The following CABIN1 variants were observed in gnomAD, a reference collection of about 807,000 sequenced individuals.
CABIN1 encodes the protein calcineurin binding protein 1, also known as calcineurin-binding protein cabin-1.
Under a neutral mutation model 227.7 loss-of-function variants are expected in CABIN1, and 133 were observed. That is an observed-to-expected ratio of 0.58 (90% CI 0.51 to 0.67). The LOEUF (loss-of-function observed/expected upper bound fraction) is 0.67. Among genes scored for constraint, CABIN1 ranks in the 30% least tolerant of loss-of-function variants. The pLI is 0.00. For synonymous variants in CABIN1, 1,086 were observed against 1,155.1 expected, an observed-to-expected ratio of 0.94 and a Z score of 1.21; for missense variants, 2,408 against 2,852.5, an observed-to-expected ratio of 0.84 and a Z score of 3.55.
chr22:24,063,920 T>TA lies in CABIN1; in HGVS notation c.1885-109dup, dbSNP rs923214425. On this transcript the variant is annotated intron_variant, in intron 14 of 36. Transcript: ENST00000263119. ...TCTTAGGGGGGTACAGTGTAATTGG[T>TA]AAAAAACCCACCCTCATGGCCTCCA... The TA allele has an allele frequency of 2.2e-5, 29 of 1,348,390 alleles. No homozygotes were observed. In the Middle Eastern group the frequency reaches 7.6e-4, roughly 35 times the overall value. 83.5% of individuals were successfully genotyped at this position (1,348,390 alleles called of 1,614,324 possible).
intron 1 of CABIN1, among the ~76,000 whole-genome samples, chr22:24,014,881 CAGTT>C (rs772924096): frequency 3.3e-5 from 5 of 152,144 alleles, no homozygotes; most frequent in Admixed American, 2.0e-4. Context: ...CACAAGTGAA[CAGTT>C]AGTTGTGTAT....
intron 29 of CABIN1, among the ~76,000 whole-genome samples, chr22:24,152,388 A>G (rs939071542): frequency 6.6e-6 from 1 of 152,190 alleles, no homozygotes; most frequent in African/African-American, 2.4e-5. Flanking sequence ...CTGTGGGTCT[A>G]GGGAGGAGAA....
At position 24,073,153 on chromosome 22, in the gene CABIN1, A is replaced by G. The variant is rs569972027; in HGVS notation, c.2632+643A>G. On this transcript the variant is annotated intron_variant, in intron 18 of 36. Coordinates refer to ENST00000263119, the MANE Select transcript of CABIN1 (RefSeq NM_012295.4). The stretch of plus-strand genomic sequence containing the variant: ...TGGCAATGGATCCATAGTCAGTGCA[A>G]TGGTAGAAAGTGTGCTGGATTGAAG... Among the ~76,000 whole-genome samples, 6 of 151,754 alleles carry G rather than the reference A, an allele frequency of 4.0e-5. No individual in the cohort carries two copies. The South Asian group carries it at 8.5e-4, about 22-fold the overall frequency.
At chr22:24,094,129 T>A (rs1219856593) in intron 24 of CABIN1, among the ~76,000 whole-genome samples, 1 of 152,174 alleles carries the variant, frequency 6.6e-6, no homozygotes, top group Non-Finnish European at 1.5e-5. Context: ...ATGACTTGCC[T>A]TAAGTCACCT....
At chr22:24,019,294 C>T (rs1352893977) in intron 1 of CABIN1, among the ~76,000 whole-genome samples, 1 of 151,844 alleles carries the variant, frequency 6.6e-6, no homozygotes, top group Non-Finnish European at 1.5e-5. Context: ...CCATGCCCGG[C>T]TGATTTTTTG....
intron 29 of CABIN1, among the ~76,000 whole-genome samples, chr22:24,141,193 G>C (rs757858011): frequency 6.6e-6 from 1 of 152,240 alleles, no homozygotes; most frequent in Non-Finnish European, 1.5e-5. Context: ...ATAAGCTCAA[G>C]GCCCTGCCCT....
chr22:24,153,016 G>A (rs1414417374), intron 29 of CABIN1, among the ~76,000 whole-genome samples: 1 of 152,184 alleles, frequency 6.6e-6, no homozygotes, highest in East Asian at 1.9e-4. Flanking sequence ...GCTATAGGGT[G>A]CCACTGGGGC....
intron 19 of CABIN1, among the ~76,000 whole-genome samples, chr22:24,076,869 A>G (rs1439094664): frequency 6.6e-6 from 1 of 152,204 alleles, no homozygotes; most frequent in East Asian, 1.9e-4. Flanking sequence ...TAGGAGGCCA[A>G]GCAGCATGCA....
chr22:24,042,071 G>A (rs1225703790), intron 5 of CABIN1, among the ~76,000 whole-genome samples: 1 of 152,154 alleles, frequency 6.6e-6, no homozygotes, highest in African/African-American at 2.4e-5. Flanking sequence ...CCGACCTCAT[G>A]CCCCCAAGTA....
intron 27 of CABIN1, among the ~76,000 whole-genome samples, chr22:24,115,539 T>C (rs2043035836): frequency 6.6e-6 from 1 of 152,218 alleles, no homozygotes; most frequent in African/African-American, 2.4e-5. Context: ...TTGATCAACT[T>C]CCTGTTGTAA....
chr22:24,158,309 C>T (rs1457107230), intron 29 of CABIN1, among the ~76,000 whole-genome samples: 4 of 152,194 alleles, frequency 2.6e-5, no homozygotes, highest in Non-Finnish European at 4.4e-5. Flanking sequence ...CCTGCTGCTG[C>T]GTGCCCACTC....
At chr22:24,068,803 T>C (rs1014385729) in intron 16 of CABIN1, among the ~76,000 whole-genome samples, 1 of 152,236 alleles carries the variant, frequency 6.6e-6, no homozygotes, top group African/African-American at 2.4e-5. Context: ...ATTTTGTTCA[T>C]GGTTCACTGT....
Position 24,177,425 on chromosome 22 carries a change from G to C in CABIN1, c.6206-79G>C. On this transcript the variant is annotated intron_variant, in intron 35 of 36. Coordinates refer to ENST00000263119, the MANE Select transcript of CABIN1 (RefSeq NM_012295.4). The surrounding 1 kb of genome is among the most constrained non-coding windows in gnomAD (Gnocchi z 4.4). ...CAGCATAAAGGCCCAGGACCTGGGG[G>C]GAGCGGGTGGGGGCGAGATAAAGTG... 1 of 1,247,190 alleles carries C rather than the reference G, an allele frequency of 8.0e-7. No homozygotes were observed. The highest frequency in any genetic ancestry group is 1.1e-6 in the Non-Finnish European group (1 of 903,734). 77.3% of individuals were successfully genotyped at this position (1,247,190 alleles called of 1,614,324 possible).
chr22:24,048,535 A>G (rs1386829986), intron 6 of CABIN1, among the ~76,000 whole-genome samples: 1 of 152,032 alleles, frequency 6.6e-6, no homozygotes, highest in African/African-American at 2.4e-5. Context: ...ATTCTCCCAC[A>G]TCAGCCTCCT....
chr22:24,016,525 T>A (rs2035298006), intron 1 of CABIN1, among the ~76,000 whole-genome samples: 1 of 152,238 alleles, frequency 6.6e-6, no homozygotes, highest in African/African-American at 2.4e-5. Flanking sequence ...GTTATAATAG[T>A]TTATTCATCT....
chr22:24,100,688 G>A (rs1420775504), intron 26 of CABIN1, among the ~76,000 whole-genome samples: 1 of 152,178 alleles, frequency 6.6e-6, no homozygotes. Flanking sequence ...AAGCAGTCAC[G>A]GGGAGGTCAG....
At chr22:24,024,725 C>G (rs2035961522) in intron 1 of CABIN1, among the ~76,000 whole-genome samples, 2 of 151,916 alleles carry the variant, frequency 1.3e-5, no homozygotes. Context: ...TTTTATTTTT[C>G]TCACACTGGA....
chr22:24,092,329 G>A (rs1321966478), intron 24 of CABIN1, among the ~76,000 whole-genome samples: 1 of 152,204 alleles, frequency 6.6e-6, no homozygotes, highest in African/African-American at 2.4e-5. Context: ...TCTTCTGATT[G>A]TTGTTCAAGA....
At position 24,070,921 on chromosome 22, in the gene CABIN1, C is replaced by T. The variant is rs760420007; in HGVS notation, c.2354C>T (p.Ala785Val). Residue 785 changes from alanine to valine, a missense_variant, in exon 17 of 37, where the codon GCC becomes GTC. Transcript: ENST00000263119. ...GCTGCCGCCAAGGAGGAGTGGGTGG[C>T]CACAGTGACCCAACTGCTGATGGGC... ...GEAAAKEEWVATVTQLLMGIE... is the reference protein window; with the variant it reads ...GEAAAKEEWVVTVTQLLMGIE... The T allele has an allele frequency of 8.1e-6, 13 of 1,614,086 alleles. No homozygotes were observed. Among genetic ancestry groups the T allele is most frequent in the South Asian group, 1.1e-5 (1 of 91,090 alleles).
Sources: allele counts gnomAD v4.1 joint callset (sites outside exome capture counted in the v4.1 genomes callset), GRCh38; gene constraint gnomAD v4.1.1; non-coding constraint Gnocchi (gnomAD v3.1); transcripts MANE v1.5; gene names NCBI Gene and HGNC (gene_info 2026-07-23, HGNC 2026-07-21).